Variants in PROSER3 observed in about 807,000 individuals in gnomAD.
The protein encoded by PROSER3 is proline and serine rich 3.
A neutral mutation model predicts 50.2 loss-of-function variants in PROSER3; 33 were observed. The observed-to-expected ratio is 0.66, with a 90% CI of 0.50 to 0.88. The LOEUF is 0.88. PROSER3 is among the 40% of genes least tolerant of loss of function. The pLI is 0.00. For missense variants in PROSER3, 623 were observed against 612.7 expected, an observed-to-expected ratio of 1.02 and a Z score of -0.18; for synonymous variants, 266 against 259.3, an observed-to-expected ratio of 1.03 and a Z score of -0.25.
At chr19:35,762,229 C>T (rs1267865814) in intron 4 of PROSER3, 24 bp from the exon 5 acceptor site, 1 of 1,605,694 alleles carries the variant, frequency 6.2e-7, no homozygotes, top group East Asian at 2.2e-5. Context: ...TCCTGGCCCT[C>T]ATACCTCAAC....
intron 3 of PROSER3, among the ~76,000 whole-genome samples, chr19:35,760,871 T>G (rs551479937): frequency 2.6e-5 from 4 of 152,348 alleles, no homozygotes; most frequent in African/African-American, 9.6e-5. Context: ...CTAGCAGTGC[T>G]TCTCACATAG....
chr19:35,759,600 C>T lies in PROSER3; in HGVS notation c.108+130C>T, dbSNP rs1270351793. The stretch of plus-strand genomic sequence containing the variant: ...GAGACAGCCCCTTGTCCCCTCCCCA[C>T]GGCCCTGCCCTTGTCCCCCTCTCTA... On this transcript the variant is annotated intron_variant, in intron 2 of 10. Coordinates refer to ENST00000396908, the Ensembl canonical transcript of PROSER3. 2.0e-5 allele frequency: 20 copies of T among 1,013,464 alleles called. No homozygotes were observed. In the Admixed American group the frequency reaches 4.0e-4, roughly 20 times the overall value. 62.8% of individuals were successfully genotyped at this position (1,013,464 alleles called of 1,614,324 possible).
intron 2 of PROSER3, 95 bp from the exon 3 acceptor site, chr19:35,759,694 C>T (rs1175632415): frequency 2.4e-6 from 3 of 1,253,698 alleles, no homozygotes; most frequent in African/African-American, 1.5e-5. Context: ...GTTTCCTCCC[C>T]TCTGGACTGA....
chr19:35,760,981 G>A (rs538577610), intron 3 of PROSER3, among the ~76,000 whole-genome samples: 1 of 152,318 alleles, frequency 6.6e-6, no homozygotes, highest in African/African-American at 2.4e-5. Context: ...TCCCTCACCT[G>A]CAGTCCAGGC....
exon 11 of PROSER3, chr19:35,768,601 A>G: frequency 6.7e-7 from 1 of 1,502,734 alleles, no homozygotes; most frequent in Non-Finnish European, 8.8e-7. Flanking sequence ...TCATACAGTT[A>G]CTGGTTATCT....
At chr19:35,759,850 C>T (rs1223759829) in exon 3 of PROSER3, 1 of 1,579,528 alleles carries the variant, frequency 6.3e-7, no homozygotes, top group Admixed American at 1.8e-5. Context: ...GCTCTAGCCA[C>T]AGGTCCCAAC....
intron 7 of PROSER3, among the ~76,000 whole-genome samples, chr19:35,766,062 C>G (rs867657700): frequency 6.6e-6 from 1 of 152,144 alleles, no homozygotes; most frequent in Non-Finnish European, 1.5e-5. Flanking sequence ...CAGGCTCCCT[C>G]TGGCTGAGAG....
At chr19:35,768,300 A>G (rs537824600) in intron 10 of PROSER3, 64 bp downstream of exon 10, 13 of 1,582,738 alleles carry the variant, frequency 8.2e-6, no homozygotes, top group Non-Finnish European at 1.0e-5. Flanking sequence ...AGACCCGGTT[A>G]GGCATCCAGC....
At chr19:35,770,589 A>G (rs373230230), downstream of PROSER3, among the ~76,000 whole-genome samples, 28 of 152,122 alleles carry the variant, frequency 1.8e-4, no homozygotes, top group East Asian at 7.7e-4. Flanking sequence ...AGAAAAGATG[A>G]TTTCTCAGCT....
At chr19:35,765,912 G>A (rs148308350) in intron 7 of PROSER3, among the ~76,000 whole-genome samples, 67 of 152,264 alleles carry the variant, frequency 4.4e-4, no homozygotes, top group African/African-American at 1.6e-3. Flanking sequence ...AGAATGCACC[G>A]TGCGATACAT....
downstream of PROSER3, chr19:35,769,308 T>TC (rs199832466): frequency 1.3e-3 from 134 of 104,528 alleles, no homozygotes; most frequent in Admixed American, 3.9e-3. Context: ...CCCAGCTTCT[T>TC]TTTTTTTTTT....
At chr19:35,765,253 T>C in intron 7 of PROSER3, 77 bp downstream of exon 7, 2 of 1,449,182 alleles carry the variant, frequency 1.4e-6, no homozygotes, top group Non-Finnish European at 1.9e-6. Flanking sequence ...TATGGGACTT[T>C]GGGCCTCTCT....
chr19:35,767,114 C>CA (rs1971174219), intron 8 of PROSER3: 1 of 967,846 alleles, frequency 1.0e-6, no homozygotes, highest in Non-Finnish European at 1.5e-6. Context: ...TCTGGGGACC[C>CA]AGCCTAACCA....
intron 2 of PROSER3, 98 bp from the exon 3 acceptor site, chr19:35,759,690 TC>T: frequency 8.3e-7 from 1 of 1,202,122 alleles, no homozygotes; most frequent in Admixed American, 2.2e-5. Context: ...ATGTGTTTCC[TC>T]CCCTCTGGAC....
Position 35,768,255 on chromosome 19 carries a change from C to T in PROSER3, c.1301+19C>T, listed in dbSNP as rs560323821. 8.2e-4 allele frequency: 1,316 copies of T among 1,607,626 alleles called. 10 individuals carry two copies. The African/African-American group carries it at 0.013, about 16-fold the overall frequency. On this transcript the variant is annotated intron_variant, in intron 10 of 10. Coordinates refer to ENST00000396908, the Ensembl canonical transcript of PROSER3. ...AGAAAAGGTGACCGACCCTCCATCC[C>T]CAGAGTCTATGACACTGGGCCCCGG...
At chr19:35,765,225 A>G (rs779605436) in intron 7 of PROSER3, 49 bp downstream of exon 7, 5 of 1,577,826 alleles carry the variant, frequency 3.2e-6, no homozygotes, top group South Asian at 1.1e-5. Flanking sequence ...GCAAATCCCA[A>G]CTCTGCCACT....
At chr19:35,763,980 A>C (rs1971053868) in intron 5 of PROSER3, among the ~76,000 whole-genome samples, 2 of 150,330 alleles carry the variant, frequency 1.3e-5, no homozygotes, top group Non-Finnish European at 3.0e-5. Flanking sequence ...TAGAGATGGG[A>C]TCTTACTTTG....
chr19:35,759,356 C>T lies in PROSER3; in HGVS notation c.12-18C>T, dbSNP rs1283520547. On this transcript the variant is annotated intron_variant, in intron 1 of 10. Transcript: ENST00000396908. Reference sequence around the variant, plus strand: ...CGGCGAAACCACGTGCTGCCTGAACCCCACTTTCCTCTTGCAGCCTGCCAG... The same window carrying T: ...CGGCGAAACCACGTGCTGCCTGAACTCCACTTTCCTCTTGCAGCCTGCCAG... The T allele has an allele frequency of 6.2e-7, 1 of 1,610,074 alleles. No homozygotes were observed. The highest frequency in any genetic ancestry group is 1.3e-5 in the African/African-American group (1 of 74,798).
chr19:35,765,300 C>T (rs1161158307), intron 7 of PROSER3, 124 bp downstream of exon 7: 2 of 1,251,164 alleles, frequency 1.6e-6, no homozygotes, highest in Non-Finnish European at 2.2e-6. Flanking sequence ...AGGGATAAGG[C>T]CAGATGAGGT....
Sources: allele counts gnomAD v4.1 joint callset (sites outside exome capture counted in the v4.1 genomes callset), GRCh38; gene constraint gnomAD v4.1.1; transcripts MANE v1.5; gene names NCBI Gene and HGNC (gene_info 2026-07-23, HGNC 2026-07-21).